Variants in HNRNPM observed in about 807,000 individuals in gnomAD.
HNRNPM encodes the protein CEA receptor.
In HNRNPM, 11 loss-of-function variants were observed where a neutral mutation model predicts 73.1. That is an observed-to-expected ratio of 0.15 (90% CI 0.09 to 0.25). The LOEUF (loss-of-function observed/expected upper bound fraction) is 0.25. Among genes scored for constraint, HNRNPM ranks in the 10% least tolerant of loss-of-function variants. HNRNPM has a pLI of 1.00. For synonymous variants in HNRNPM, 407 were observed against 355.2 expected (o/e 1.15, Z -1.64); for missense variants, 789 against 1,067.9 (o/e 0.74, Z 3.64).
At chr19:8,454,682 CCCTT>C (rs369786448) in intron 1 of HNRNPM, among the ~76,000 whole-genome samples, 1,694 of 125,048 alleles carry the variant, frequency 0.014, 49 homozygotes, top group African/African-American at 0.044. Flanking sequence ...TGCCCCCCCC[CCCTT>C]TTTTTTTTTA....
intron 15 of HNRNPM, 101 bp from the exon 16 acceptor site, chr19:8,488,590 C>CT: frequency 9.7e-7 from 1 of 1,034,982 alleles, no homozygotes; most frequent in South Asian, 1.6e-5. Flanking sequence ...TATTCTGAGC[C>CT]TTTGTGCTCT....
intron 8 of HNRNPM, 75 bp from the exon 9 acceptor site, chr19:8,468,699 G>A (rs1174112848): frequency 7.4e-6 from 8 of 1,082,776 alleles, no homozygotes; most frequent in Non-Finnish European, 1.1e-5. Flanking sequence ...TTGATGGGGG[G>A]CCATTTCAGT....
At chr19:8,457,448 CAG>C (rs1969100873) in intron 2 of HNRNPM, among the ~76,000 whole-genome samples, 1 of 152,174 alleles carries the variant, frequency 6.6e-6, no homozygotes, top group African/African-American at 2.4e-5. Context: ...TCAGCCCTCT[CAG>C]TGTATTTTTG....
At chr19:8,480,008 C>T (rs1599839987) in intron 12 of HNRNPM, among the ~76,000 whole-genome samples, 1 of 138,042 alleles carries the variant, frequency 7.2e-6, no homozygotes, top group Admixed American at 7.0e-5. Flanking sequence ...CTCGGGACCT[C>T]GTGATTCACA....
chr19:8,471,983 C>T (rs1345266681), intron 10 of HNRNPM, among the ~76,000 whole-genome samples: 2 of 151,950 alleles, frequency 1.3e-5, no homozygotes, highest in Non-Finnish European at 2.9e-5. Context: ...CCATCCTGGC[C>T]AACATGGTGA....
Position 8,488,950 on chromosome 19 carries a change from T to TA in HNRNPM, c.*102dup. The TA allele has an allele frequency of 1.7e-6, 2 of 1,178,102 alleles. No homozygotes were observed. The highest frequency in any genetic ancestry group is 2.4e-6 in the Non-Finnish European group (2 of 843,046). The allele number at this position is 1,178,102 out of a possible 1,614,324, so 73.0% of individuals were successfully genotyped here. ...TGTTGGCTGGATGTATAAAGATGTT[T>TA]AAAAAATTCAGTTGCTTTTTGGGGT... is the stretch of plus-strand genomic sequence containing the variant. On this transcript the variant is annotated 3_prime_UTR_variant, in exon 16 of 16. Transcript: ENST00000325495.
At chr19:8,476,450 C>G (rs973437138) in intron 12 of HNRNPM, among the ~76,000 whole-genome samples, 1 of 152,130 alleles carries the variant, frequency 6.6e-6, no homozygotes, top group Non-Finnish European at 1.5e-5. Flanking sequence ...AGGACCCACA[C>G]TCAGCATGAG....
intron 12 of HNRNPM, among the ~76,000 whole-genome samples, chr19:8,481,836 C>CTGTA (rs1970938841): frequency 6.6e-6 from 1 of 152,162 alleles, no homozygotes; most frequent in Non-Finnish European, 1.5e-5. Flanking sequence ...GGAGAATGAG[C>CTGTA]TGTACCTGCT....
At chr19:8,484,600 C>G (rs528566842) in intron 13 of HNRNPM, among the ~76,000 whole-genome samples, 1 of 152,226 alleles carries the variant, frequency 6.6e-6, no homozygotes, top group Non-Finnish European at 1.5e-5. Context: ...CTGCTTTGGC[C>G]GCTCACTGTG....
intron 12 of HNRNPM, among the ~76,000 whole-genome samples, chr19:8,475,289 C>T (rs1308023295): frequency 6.6e-6 from 1 of 152,222 alleles, no homozygotes; most frequent in Non-Finnish European, 1.5e-5. Flanking sequence ...AGGGCACCAG[C>T]AGGGCTGTAG....
intron 12 of HNRNPM, 71 bp from the exon 13 acceptor site, chr19:8,483,087 A>T (rs1482098406): frequency 3.2e-6 from 3 of 939,878 alleles, no homozygotes; most frequent in Non-Finnish European, 5.1e-6. Context: ...CTACTCTGGA[A>T]TCTGTAATGA....
chr19:8,448,429 T>C (rs1194342490), intron 1 of HNRNPM, among the ~76,000 whole-genome samples: 1 of 151,850 alleles, frequency 6.6e-6, no homozygotes, highest in Admixed American at 6.6e-5. Flanking sequence ...AAATGTAGTA[T>C]CATATATAAA....
chr19:8,484,138 C>T (rs1971105319), intron 13 of HNRNPM, among the ~76,000 whole-genome samples: 1 of 150,342 alleles, frequency 6.7e-6, no homozygotes, highest in Non-Finnish European at 1.5e-5. Flanking sequence ...TGGGCTGGCT[C>T]TGGAGCTCCA....
chr19:8,445,011 G>A lies in HNRNPM; in HGVS notation c.13G>A (p.Val5Ile), dbSNP rs920642934. MAAGVEAAAEVAATE... is the reference protein window; with the variant it reads MAAGIEAAAEVAATE... Reference sequence around the variant, plus strand: ...AGACGCGGAGAAAATGGCGGCAGGGGTCGAAGCGGCGGCGGAGGTGGCGGC... The same window carrying A: ...AGACGCGGAGAAAATGGCGGCAGGGATCGAAGCGGCGGCGGAGGTGGCGGC... The change falls in exon 1 of 16, where the codon GTC (valine) becomes ATC (isoleucine). Residue 5 changes from valine (V) to isoleucine (I), a missense_variant. Val to Ile is a conservative substitution (Grantham distance 29, BLOSUM62 3). Coordinates refer to ENST00000325495, the MANE Select transcript of HNRNPM (RefSeq NM_005968.5). 7 of 1,425,168 alleles carry A rather than the reference G, an allele frequency of 4.9e-6. No homozygotes were observed. Among genetic ancestry groups the A allele is most frequent in the Non-Finnish European group, 4.6e-6 (5 of 1,091,820 alleles). The allele number at this position is 1,425,168 out of a possible 1,614,324, so 88.3% of individuals were successfully genotyped here.
intron 10 of HNRNPM, 63 bp from the exon 11 acceptor site, chr19:8,473,601 A>C: frequency 1.0e-6 from 1 of 990,846 alleles, no homozygotes; most frequent in Admixed American, 1.9e-5. Context: ...TATGCTTTTT[A>C]AGTTCAAACG....
chr19:8,463,884 T>A (rs1969560809), intron 5 of HNRNPM, 198 bp downstream of exon 5: 1 of 554,276 alleles, frequency 1.8e-6, no homozygotes, highest in Non-Finnish European at 3.2e-6. Context: ...AAGCAGATCC[T>A]GAGTGGCTGC....
chr19:8,468,722 C>A lies in HNRNPM; in HGVS notation c.835-52C>A, dbSNP rs975037356. On this transcript the variant is annotated intron_variant, in intron 8 of 15. Transcript: ENST00000325495. ...GGGCCATTTCAGTCTTTTGCTGTTG[C>A]AAACACTGCTGCACTGGATACTGAG... The A allele has an allele frequency of 4.9e-6, 7 of 1,436,894 alleles. No individual in the cohort carries two copies. The African/African-American group carries it at 8.4e-5, about 17-fold the overall frequency. The allele number at this position is 1,436,894 out of a possible 1,614,324, so 89.0% of individuals were successfully genotyped here. A position where few individuals can be genotyped will look rare whatever the true frequency, so the allele number is the denominator to read the frequency against.
At chr19:8,448,419 A>G (rs527424612) in intron 1 of HNRNPM, among the ~76,000 whole-genome samples, 1 of 152,134 alleles carries the variant, frequency 6.6e-6, no homozygotes, top group East Asian at 1.9e-4. Context: ...AAATTTTTTT[A>G]AATGTAGTAT....
At chr19:8,455,298 A>G (rs541519689) in intron 1 of HNRNPM, 107 bp from the exon 2 acceptor site, 6 of 945,570 alleles carry the variant, frequency 6.3e-6, no homozygotes, top group African/African-American at 1.7e-5. Context: ...GTCTTGTGTC[A>G]TATGTAACTT....
Sources: allele counts gnomAD v4.1 joint callset (sites outside exome capture counted in the v4.1 genomes callset), GRCh38; gene constraint gnomAD v4.1.1; transcripts MANE v1.5; gene names NCBI Gene and HGNC (gene_info 2026-07-23, HGNC 2026-07-21).